Variants in TRAK1 observed in about 807,000 individuals in gnomAD.
TRAK1 encodes trafficking kinesin protein 1.
A neutral mutation model predicts 92.1 loss-of-function variants in TRAK1; 33 were observed. That is an observed-to-expected ratio of 0.36 (90% confidence interval 0.27 to 0.48). TRAK1 has a LOEUF of 0.48. Among genes scored for constraint, TRAK1 ranks in the 20% least tolerant of loss-of-function variants. The pLI is 0.99. For synonymous variants in TRAK1, 521 were observed against 517.3 expected, an observed-to-expected ratio of 1.01 and a Z score of -0.10; for missense variants, 1,123 against 1,257.9, an observed-to-expected ratio of 0.89 and a Z score of 1.62.
At position 42,094,348 on chromosome 3, in the gene TRAK1, C is replaced by G. The variant is rs541545614; in HGVS notation, c.91+2788C>G. On this transcript the variant is annotated intron_variant, in intron 1 of 15. Transcript: ENST00000327628. ...TAAACACTGAAAAACTTGAGCAAGT[C>G]AGGCTGAAACTATCAGGAGCTGAAA... Among the ~76,000 whole-genome samples, 6 of 152,250 alleles carry G rather than the reference C, an allele frequency of 3.9e-5. No homozygotes were observed. In the South Asian group the frequency reaches 1.2e-3, roughly 32 times the overall value.
chr3:42,173,062 C>T (rs1702766873), intron 2 of TRAK1, among the ~76,000 whole-genome samples: 1 of 152,092 alleles, frequency 6.6e-6, no homozygotes, highest in Admixed American at 6.5e-5. Flanking sequence ...GGGAGAATCG[C>T]TTGAACCAGG....
intron 1 of TRAK1, among the ~76,000 whole-genome samples, chr3:42,062,625 G>A (rs1042149231): frequency 1.3e-5 from 2 of 152,066 alleles, no homozygotes; most frequent in African/African-American, 4.8e-5. Context: ...TGTGAAATAG[G>A]GTTTGTGAAA....
At chr3:42,013,505 G>T (rs1701387099), upstream of TRAK1, among the ~76,000 whole-genome samples, 1 of 151,162 alleles carries the variant, frequency 6.6e-6, no homozygotes, top group South Asian at 2.1e-4. The surrounding 1 kb of genome is among the most constrained non-coding windows in gnomAD (Gnocchi z 5.1). Context: ...GGCTCCAGGC[G>T]ACTAGGACGT....
At chr3:42,101,359 A>G (rs1361401063) in intron 1 of TRAK1, among the ~76,000 whole-genome samples, 1 of 152,272 alleles carries the variant, frequency 6.6e-6, no homozygotes, top group South Asian at 2.1e-4. Context: ...GGAAGGATGC[A>G]GGAAGAATTG....
At chr3:42,030,422 C>T (rs1254416731) in intron 1 of TRAK1, among the ~76,000 whole-genome samples, 1 of 148,986 alleles carries the variant, frequency 6.7e-6, no homozygotes, top group African/African-American at 2.5e-5. Context: ...TCTGTAATCC[C>T]AGCACTTTGG....
intron 1 of TRAK1, among the ~76,000 whole-genome samples, chr3:42,120,839 C>T (rs553016399): frequency 2.6e-5 from 4 of 152,212 alleles, no homozygotes; most frequent in Non-Finnish European, 4.4e-5. Context: ...AGCCACCGCG[C>T]CCGGCTACTG....
At chr3:42,072,256 C>T (rs768822236) in intron 1 of TRAK1, among the ~76,000 whole-genome samples, 32 of 152,074 alleles carry the variant, frequency 2.1e-4, no homozygotes, top group African/African-American at 5.8e-4. Context: ...CTGTCTCTCT[C>T]GGGAGTCGCC....
chr3:42,190,141 C>T (rs150287903), intron 6 of TRAK1, among the ~76,000 whole-genome samples: 5 of 152,186 alleles, frequency 3.3e-5, no homozygotes, highest in East Asian at 1.9e-4. Context: ...CTAGAAACAC[C>T]GATAGGTGCA....
At chr3:42,055,352 G>C (rs543162757) in intron 1 of TRAK1, among the ~76,000 whole-genome samples, 5 of 152,248 alleles carry the variant, frequency 3.3e-5, no homozygotes, top group East Asian at 1.9e-4. Context: ...AAAAAGCTTT[G>C]TTAAAATAAC....
intron 2 of TRAK1, among the ~76,000 whole-genome samples, chr3:42,136,392 A>G (rs928675584): frequency 6.6e-6 from 1 of 152,166 alleles, no homozygotes; most frequent in African/African-American, 2.4e-5. Context: ...TGGGAGGCCT[A>G]GGCAGGAGGA....
intron 1 of TRAK1, among the ~76,000 whole-genome samples, chr3:42,036,006 C>T (rs1702312765): frequency 6.6e-6 from 1 of 152,210 alleles, no homozygotes; most frequent in South Asian, 2.1e-4. Context: ...GCCTGGGAAG[C>T]CTTCCCTGAC....
intron 5 of TRAK1, among the ~76,000 whole-genome samples, chr3:42,188,454 C>T (rs1705211745): frequency 6.6e-6 from 1 of 152,170 alleles, no homozygotes; most frequent in East Asian, 1.9e-4. Flanking sequence ...ATTCAGGGTT[C>T]TGGAGCCAGA....
At chr3:42,141,784 A>G (rs945837011) in intron 2 of TRAK1, among the ~76,000 whole-genome samples, 2 of 152,102 alleles carry the variant, frequency 1.3e-5, no homozygotes, top group African/African-American at 4.8e-5. Flanking sequence ...GACACTTGTC[A>G]TTGGATTTAG....
chr3:42,043,619 G>C lies in TRAK1; in HGVS notation c.-519+29502G>C, dbSNP rs867975399. Among the ~76,000 whole-genome samples, 1,039 of 151,476 alleles carry C rather than the reference G, an allele frequency of 6.9e-3. 8 individuals carry two copies. The highest frequency in any genetic ancestry group is 0.022 in the African/African-American group (883 of 40,888). Reference sequence around the variant, plus strand: ...GTCTTGTTTTCTCCATGGAGCTGGGGGGGGGGCGGGGGGAGTAAAGGGGAT... The same window carrying C: ...GTCTTGTTTTCTCCATGGAGCTGGGCGGGGGGCGGGGGGAGTAAAGGGGAT... On this transcript the variant is annotated intron_variant, in intron 1 of 16. Coordinates refer to the TRAK1 transcript ENST00000487159.
upstream of TRAK1, chr3:42,091,301 C>G (rs2148965263): frequency 1.6e-6 from 1 of 615,066 alleles, no homozygotes; most frequent in South Asian, 2.1e-5. Context: ...GTTACATAAC[C>G]CATTGTGCTT....
At chr3:42,043,620 G>A (rs73828514) in intron 1 of TRAK1, among the ~76,000 whole-genome samples, 5 of 151,848 alleles carry the variant, frequency 3.3e-5, no homozygotes, top group South Asian at 2.1e-4. Context: ...GGAGCTGGGG[G>A]GGGGGCGGGG....
intron 15 of TRAK1, among the ~76,000 whole-genome samples, chr3:42,222,163 A>G (rs1710425478): frequency 6.6e-6 from 1 of 152,122 alleles, no homozygotes; most frequent in South Asian, 2.1e-4. Context: ...TGAATGAACA[A>G]ATCTTTCTGC....
chr3:42,131,567 A>G (rs952578271), intron 2 of TRAK1, among the ~76,000 whole-genome samples: 19 of 150,002 alleles, frequency 1.3e-4, no homozygotes, highest in African/African-American at 4.7e-4. Context: ...AAATACAAAA[A>G]TTAGCCAGGC....
intron 1 of TRAK1, among the ~76,000 whole-genome samples, chr3:42,113,367 C>T (rs185275483): frequency 0.024 from 3,483 of 142,982 alleles, 86 homozygotes; most frequent in Non-Finnish European, 0.031. Context: ...CCTACGCCTA[C>T]GCCTACCCCT....
Sources: gnomAD v4.1 joint callset for allele counts (sites outside exome capture counted in the v4.1 genomes callset) on GRCh38, gnomAD v4.1.1 for gene constraint, Gnocchi (gnomAD v3.1) non-coding constraint, MANE v1.5 for transcripts, NCBI Gene and HGNC (gene_info 2026-07-23, HGNC 2026-07-21) for gene names.